The following ST3GAL3 variants were observed in gnomAD, a reference collection of about 807,000 sequenced individuals.
The protein encoded by ST3GAL3 is ST3 beta-galactoside alpha-2,3-sialyltransferase 3, also known as CMP-N-acetylneuraminate-beta-1,4-galactoside alpha-2,3-sialyltransferase.
A neutral mutation model predicts 50.1 loss-of-function variants in ST3GAL3; 21 were observed. The ratio of observed to expected loss-of-function variants is 0.42; its 90% confidence interval spans 0.30 to 0.60. The LOEUF (loss-of-function observed/expected upper bound fraction) is 0.60, where lower values mean the gene tolerates loss of function less well. Ranked by LOEUF, ST3GAL3 falls within the 20% of genes least tolerant of loss-of-function variation. The probability of loss-of-function intolerance (pLI) is 0.19; values close to 1 mark genes in which losing one functional copy is unlikely to be tolerated. For synonymous variants in ST3GAL3, 183 were observed against 190.0 expected (o/e 0.96, Z 0.30); for missense variants, 353 against 489.4 (o/e 0.72, Z 2.63).
At chr1:43,811,513 C>G (rs2060557799) in intron 3 of ST3GAL3, among the ~76,000 whole-genome samples, 1 of 152,198 alleles carries the variant, frequency 6.6e-6, no homozygotes, top group South Asian at 2.1e-4. Flanking sequence ...TCCTGGAAAT[C>G]CCAGCATCTA....
chr1:43,747,410 TCAAA>T (rs1026396051), intron 2 of ST3GAL3, among the ~76,000 whole-genome samples: 1 of 151,616 alleles, frequency 6.6e-6, no homozygotes, highest in Admixed American at 6.6e-5. Context: ...AGACTCCATC[TCAAA>T]CAAACAAACC....
At position 43,817,576 on chromosome 1, in the gene ST3GAL3, C is replaced by T. The variant is rs926045163; in HGVS notation, c.209+2643C>T. Among the ~76,000 whole-genome samples the T allele has an allele frequency of 9.3e-4, 108 of 116,132 alleles. 1 individual carries two copies. Among genetic ancestry groups the T allele is most frequent in the Admixed American group, 2.5e-3 (30 of 11,808 alleles). The allele number at this position is 116,132 out of a possible 152,430, so 76.2% of individuals were successfully genotyped here. On this transcript the variant is annotated intron_variant, in intron 4 of 11. Transcript: ENST00000347631. ...TCTTCTCCTTCTTCCTTCTTCTTCT[C>T]CTTCTCCTCCTTCTCCTCCTCCCTT... is the stretch of plus-strand genomic sequence containing the variant.
intron 5 of ST3GAL3, among the ~76,000 whole-genome samples, chr1:43,846,074 A>C (rs2154208295): frequency 6.6e-6 from 1 of 152,284 alleles, no homozygotes; most frequent in East Asian, 1.9e-4. Flanking sequence ...ATTTTGGTGA[A>C]TATTCTGTGT....
chr1:43,917,661 AATATATATTATAT>A (rs1363394071), intron 9 of ST3GAL3, among the ~76,000 whole-genome samples: 1 of 53,416 alleles, frequency 1.9e-5, no homozygotes, highest in Non-Finnish European at 4.7e-5. Context: ...TATAATATAT[AATATATATTATAT>A]ATATATATAT....
intron 2 of ST3GAL3, among the ~76,000 whole-genome samples, chr1:43,746,867 A>G (rs933539299): frequency 2.6e-5 from 4 of 151,652 alleles, no homozygotes; most frequent in African/African-American, 9.7e-5. Flanking sequence ...GGTTCAAGCA[A>G]TTCTTTTGCC....
intron 5 of ST3GAL3, among the ~76,000 whole-genome samples, chr1:43,874,698 T>G (rs900876120): frequency 6.6e-6 from 1 of 152,158 alleles, no homozygotes; most frequent in Non-Finnish European, 1.5e-5. Context: ...TATGGGCAGT[T>G]CAAACATAAA....
intron 9 of ST3GAL3, among the ~76,000 whole-genome samples, chr1:43,918,434 T>C (rs2082453680): frequency 1.3e-5 from 2 of 152,160 alleles, no homozygotes; most frequent in Admixed American, 6.5e-5. Context: ...TCCCTTTTTT[T>C]GTTTTTTAAA....
At chr1:43,782,694 G>C (rs1005408889) in intron 2 of ST3GAL3, among the ~76,000 whole-genome samples, 1 of 152,156 alleles carries the variant, frequency 6.6e-6, no homozygotes, top group Non-Finnish European at 1.5e-5. Context: ...TACATGCCAG[G>C]CACTGTGTTC....
intron 3 of ST3GAL3, chr1:43,801,220 A>C: frequency 2.2e-6 from 1 of 454,798 alleles, no homozygotes; most frequent in Non-Finnish European, 4.4e-6. Context: ...ATTGGTGTTC[A>C]TGGGCAATAT....
chr1:43,789,205 A>G (rs950005054), intron 2 of ST3GAL3, among the ~76,000 whole-genome samples: 1 of 152,176 alleles, frequency 6.6e-6, no homozygotes, highest in African/African-American at 2.4e-5. Context: ...ATGGATGGAA[A>G]TGGGCTATGT....
intron 4 of ST3GAL3, among the ~76,000 whole-genome samples, chr1:43,833,982 G>A (rs1399743183): frequency 1.3e-5 from 2 of 152,040 alleles, no homozygotes; most frequent in Non-Finnish European, 2.9e-5. Flanking sequence ...CCAACATGGT[G>A]AAACCTTGTC....
Position 43,807,277 on chromosome 1 carries a change from G to A in ST3GAL3, c.167-7614G>A, listed in dbSNP as rs1160388746. ...ATTAAAATACAAAAATTAGCCGGGC[G>A]TGGTGGCACACCCCTGTAATCCCAG... On this transcript the variant is annotated intron_variant, in intron 3 of 11. Transcript: ENST00000347631. 5.9e-5 allele frequency among the ~76,000 whole-genome samples: 9 copies of A among 152,096 alleles called. No individual in the cohort carries two copies. The South Asian group carries it at 8.3e-4, about 14-fold the overall frequency.
intron 11 of ST3GAL3, among the ~76,000 whole-genome samples, chr1:43,928,643 T>C (rs943530546): frequency 6.7e-6 from 1 of 148,586 alleles, no homozygotes; most frequent in Non-Finnish European, 1.5e-5. Context: ...GCACGGTGGC[T>C]CATGCCTGTA....
intron 9 of ST3GAL3, among the ~76,000 whole-genome samples, chr1:43,918,024 A>G (rs533524299): frequency 6.6e-6 from 1 of 151,610 alleles, no homozygotes; most frequent in South Asian, 2.1e-4. Flanking sequence ...ATGAAGTCAA[A>G]ACGTGTCAGT....
intron 4 of ST3GAL3, among the ~76,000 whole-genome samples, chr1:43,817,641 T>C (rs1430612308): frequency 6.8e-4 from 45 of 66,602 alleles, no homozygotes; most frequent in East Asian, 1.3e-3. Context: ...TCCTCCTCCT[T>C]CTCCTCCTCC....
chr1:43,837,617 C>T (rs781607032), intron 4 of ST3GAL3, among the ~76,000 whole-genome samples: 5 of 152,182 alleles, frequency 3.3e-5, no homozygotes, highest in Non-Finnish European at 2.9e-5. Context: ...ACCACTCCCC[C>T]GGGTATTGGA....
chr1:43,817,354 TTCTTCTTCCTTCTTC>T (rs1430141747), intron 4 of ST3GAL3, among the ~76,000 whole-genome samples: 168 of 150,370 alleles, frequency 1.1e-3, no homozygotes, highest in African/African-American at 4.0e-3. Flanking sequence ...TTCCTTCTTC[TTCTTCTTCCTTCTTC>T]TCCTTCTTCT....
chr1:43,714,212 C>G (rs1355991241), intron 1 of ST3GAL3, among the ~76,000 whole-genome samples: 2 of 148,980 alleles, frequency 1.3e-5, no homozygotes, highest in African/African-American at 2.5e-5. Context: ...TGCAGTGAGC[C>G]GAGATCGTGC....
Position 43,899,340 on chromosome 1 carries a change from G to A in ST3GAL3, c.557+77G>A. The A allele has an allele frequency of 2.5e-6, 4 of 1,612,324 alleles. No individual in the cohort carries two copies. Among genetic ancestry groups the A allele is most frequent in the Non-Finnish European group, 2.5e-6 (3 of 1,179,176 alleles). ...GTCCTGAGCCCATTGAGAACTGTCT[G>A]TCTGGCTAGTTGGGCTGGAGGTCAA... On this transcript the variant is annotated intron_variant, in intron 8 of 11. Coordinates refer to ENST00000347631, the MANE Select transcript of ST3GAL3 (RefSeq NM_006279.5). The surrounding 1 kb of genome is among the most constrained non-coding windows in gnomAD (Gnocchi z 5.4).
Sources: allele counts gnomAD v4.1 joint callset (sites outside exome capture counted in the v4.1 genomes callset), GRCh38; gene constraint gnomAD v4.1.1; non-coding constraint Gnocchi (gnomAD v3.1); transcripts MANE v1.5; gene names NCBI Gene and HGNC (gene_info 2026-07-23, HGNC 2026-07-21).